The following LINGO2 variants were observed in gnomAD, a reference collection of about 807,000 sequenced individuals.
The protein encoded by LINGO2 is leucine rich repeat and Ig domain containing 2.
A neutral mutation model predicts 30.6 loss-of-function variants in LINGO2; 14 were observed. That is an observed-to-expected ratio of 0.46 (90% CI 0.30 to 0.72). The LOEUF (loss-of-function observed/expected upper bound fraction) is 0.72. Among genes scored for constraint, LINGO2 ranks in the 30% least tolerant of loss-of-function variants. LINGO2 has a pLI of 0.07. For missense variants in LINGO2, 729 were observed against 751.7 expected (o/e 0.97, Z 0.35); for synonymous variants, 317 against 288.5 (o/e 1.10, Z -1.00).
the LINGO2 span, among the ~76,000 whole-genome samples, chr9:28,721,246 T>C: frequency 2.0e-5 from 3 of 152,116 alleles, no homozygotes; most frequent in African/African-American, 7.2e-5. Context: ...TGGAAGACAG[T>C]GTGGCAATTC....
At chr9:28,152,288 C>G (rs982660629) in intron 4 of LINGO2, among the ~76,000 whole-genome samples, 2 of 151,438 alleles carry the variant, frequency 1.3e-5, no homozygotes, top group African/African-American at 4.8e-5. Flanking sequence ...TTAAAAAGAG[C>G]CTGGCAACTC....
intron 4 of LINGO2, among the ~76,000 whole-genome samples, chr9:28,264,478 A>G (rs1201087401): frequency 6.6e-6 from 1 of 152,010 alleles, no homozygotes; most frequent in Non-Finnish European, 1.5e-5. Context: ...AAAGTCATCT[A>G]TTACAATATT....
the LINGO2 span, among the ~76,000 whole-genome samples, chr9:29,207,269 C>T: frequency 6.6e-6 from 1 of 151,916 alleles, no homozygotes. Context: ...TGAAGCTCAC[C>T]GTTTCAAAAT....
the LINGO2 span, among the ~76,000 whole-genome samples, chr9:29,007,412 C>T: frequency 6.6e-6 from 1 of 152,050 alleles, no homozygotes; most frequent in Non-Finnish European, 1.5e-5. Context: ...AATTAAAGCA[C>T]CCTCCAATAG....
At chr9:28,356,001 C>T (rs1820194604) in intron 3 of LINGO2, among the ~76,000 whole-genome samples, 1 of 152,108 alleles carries the variant, frequency 6.6e-6, no homozygotes, top group Admixed American at 6.6e-5. Flanking sequence ...ATGACACTTA[C>T]AGCATTTAGT....
chr9:28,533,561 A>G (rs1821316488), intron 1 of LINGO2, among the ~76,000 whole-genome samples: 1 of 152,216 alleles, frequency 6.6e-6, no homozygotes, highest in Admixed American at 6.5e-5. Flanking sequence ...TGATGAAGTC[A>G]AGATTCTCAA....
At chr9:29,068,857 C>T in the LINGO2 span, among the ~76,000 whole-genome samples, 3 of 151,710 alleles carry the variant, frequency 2.0e-5, no homozygotes, top group African/African-American at 7.3e-5. Context: ...ACATATAAAA[C>T]AAAAACACAG....
intron 3 of LINGO2, among the ~76,000 whole-genome samples, chr9:28,318,299 A>G (rs150127467): frequency 3.3e-5 from 5 of 152,326 alleles, no homozygotes; most frequent in African/African-American, 9.6e-5. Context: ...AAAGTTAAAT[A>G]CAGATCATGA....
chr9:28,734,266 G>C, the LINGO2 span, among the ~76,000 whole-genome samples: 2 of 152,214 alleles, frequency 1.3e-5, no homozygotes, highest in Non-Finnish European at 2.9e-5. Context: ...TTAGTGAGCA[G>C]TATAGACAGC....
intron 4 of LINGO2, among the ~76,000 whole-genome samples, chr9:28,219,305 A>C (rs967428645): frequency 2.6e-5 from 4 of 152,190 alleles, no homozygotes; most frequent in African/African-American, 9.7e-5. Context: ...GGCTTTCTGC[A>C]TACTTGCTCT....
chr9:28,845,419 T>G, the LINGO2 span, among the ~76,000 whole-genome samples: 2 of 151,946 alleles, frequency 1.3e-5, 1 homozygote, highest in African/African-American at 4.9e-5. Flanking sequence ...TAAGTTTTCC[T>G]ATTATGTCTT....
chr9:28,506,414 ATATATAT>A (rs1820121140), intron 1 of LINGO2, among the ~76,000 whole-genome samples: 3 of 2,672 alleles, frequency 1.1e-3, no homozygotes, highest in Non-Finnish European at 4.2e-3. Context: ...ATATATATAT[ATATATAT>A]ACACACACAC....
chr9:29,102,084 CTT>C, the LINGO2 span, among the ~76,000 whole-genome samples: 27,612 of 144,984 alleles, frequency 0.19, 2,686 homozygotes, highest in East Asian at 0.33. Context: ...ACATCTGCAT[CTT>C]TTTTTTTTTT....
intron 1 of LINGO2, among the ~76,000 whole-genome samples, chr9:28,635,454 C>T (rs1827216071): frequency 6.6e-6 from 1 of 151,886 alleles, no homozygotes; most frequent in Admixed American, 6.6e-5. Flanking sequence ...AAGAAAATGG[C>T]ATGGAAAAGT....
intron 4 of LINGO2, among the ~76,000 whole-genome samples, chr9:28,081,738 T>A (rs1825779535): frequency 6.6e-6 from 1 of 152,210 alleles, no homozygotes; most frequent in Non-Finnish European, 1.5e-5. Context: ...AATCCCTATA[T>A]TTTAGAGGTG....
At chr9:28,798,274 T>C in the LINGO2 span, among the ~76,000 whole-genome samples, 32 of 55,198 alleles carry the variant, frequency 5.8e-4, 1 homozygote, top group Admixed American at 5.4e-3. Flanking sequence ...TGTAGTAGGA[T>C]GGAAAAAAAA....
At chr9:28,816,300 T>G in the LINGO2 span, among the ~76,000 whole-genome samples, 7 of 152,220 alleles carry the variant, frequency 4.6e-5, no homozygotes, top group African/African-American at 1.7e-4. Context: ...AAGATTGCTT[T>G]TCTCTGAGCA....
rs138460779 is a variant in LINGO2 at position 28,232,970 on chromosome 9, A to T, written c.-87+62238T>A. On this transcript the variant is annotated intron_variant, in intron 4 of 5. Coordinates refer to ENST00000379992, the Ensembl canonical transcript of LINGO2. ...CTGGGGATGCGTTTAGACTTCTATGATTCCATAATCAAGAGAATGAATTAA... is the reference window on the plus strand; with the variant it reads ...CTGGGGATGCGTTTAGACTTCTATGTTTCCATAATCAAGAGAATGAATTAA... Among the ~76,000 whole-genome samples, 68 of 148,366 alleles carry T rather than the reference A, an allele frequency of 4.6e-4. 1 individual carries two copies. Among genetic ancestry groups the T allele is most frequent in the African/African-American group, 1.6e-3 (66 of 40,268 alleles).
chr9:28,537,335 A>C (rs1160775543), intron 1 of LINGO2, among the ~76,000 whole-genome samples: 1 of 152,094 alleles, frequency 6.6e-6, no homozygotes, highest in East Asian at 1.9e-4. Context: ...CAAAATATAC[A>C]AATCTCCTCT....
Sources: allele counts gnomAD v4.1 joint callset (sites outside exome capture counted in the v4.1 genomes callset), GRCh38; gene constraint gnomAD v4.1.1; transcripts MANE v1.5; gene names NCBI Gene and HGNC (gene_info 2026-07-23, HGNC 2026-07-21).